The following SPATA20 variants were observed in gnomAD, a reference collection of about 807,000 sequenced individuals.
SPATA20 encodes the protein spermatogenesis-associated protein 20.
In SPATA20, 74 loss-of-function variants were observed where a neutral mutation model predicts 98.9. The ratio of observed to expected loss-of-function variants is 0.75; its 90% CI spans 0.62 to 0.91. The LOEUF (loss-of-function observed/expected upper bound fraction) is 0.91. Ranked by LOEUF, SPATA20 falls within the 40% of genes least tolerant of loss-of-function variation. The probability of loss-of-function intolerance (pLI) is 0.00; values close to 1 mark genes in which losing one functional copy is unlikely to be tolerated. For synonymous variants in SPATA20, 430 were observed against 440.5 expected (o/e 0.98, Z 0.30); for missense variants, 1,016 against 1,069.8 (o/e 0.95, Z 0.70).
chr17:50,551,829 C>A, intron 13 of SPATA20, 140 bp from the exon 14 acceptor site: 2 of 1,205,390 alleles, frequency 1.7e-6, no homozygotes, highest in South Asian at 1.5e-5. Context: ...ATTTACTCAT[C>A]TGGGAAGTGG....
chr17:50,549,451 G>A lies in SPATA20; in HGVS notation c.826G>A (p.Gly276Ser), dbSNP rs1364950432. Residue 276 changes from glycine to serine, a missense_variant, in exon 7 of 17, where the codon GGT (glycine) becomes AGT (serine). By Grantham distance (56) the Gly-to-Ser change is moderately conservative. Coordinates refer to ENST00000006658, the MANE Select transcript of SPATA20 (RefSeq NM_022827.4). ...GGATGAGGGCTATGATGAGGAATAC[G>A]GTGGCTTCGCTGAGGCCCCCAAGTT... ...QLDEGYDEEY[G>S]GFAEAPKFPT... 4 of 1,612,380 alleles carry A rather than the reference G, an allele frequency of 2.5e-6. No homozygotes were observed. The highest frequency in any genetic ancestry group is 3.4e-6 in the Non-Finnish European group (4 of 1,179,960).
intron 2 of SPATA20, chr17:50,547,988 C>A: frequency 6.7e-7 from 1 of 1,483,518 alleles, no homozygotes; most frequent in South Asian, 1.3e-5. Flanking sequence ...GCCCCAAGAA[C>A]CATTCTGCCC....
At chr17:50,547,851 G>A in intron 2 of SPATA20, 84 bp downstream of exon 2, 1 of 971,482 alleles carries the variant, frequency 1.0e-6, no homozygotes, top group African/African-American at 1.6e-5. Context: ...TACTGATCTT[G>A]GCCTGTCCAG....
chr17:50,549,442 G>A lies in SPATA20; in HGVS notation c.817G>A (p.Glu273Lys). 1 of 1,612,614 alleles carries A rather than the reference G, an allele frequency of 6.2e-7. No homozygotes were observed. Among genetic ancestry groups the A allele is most frequent in the East Asian group, 2.2e-5 (1 of 44,890 alleles). ...CCAGCAGCTGGATGAGGGCTATGATGAGGAATACGGTGGCTTCGCTGAGGC... is the reference window on the plus strand; with the variant it reads ...CCAGCAGCTGGATGAGGGCTATGATAAGGAATACGGTGGCTTCGCTGAGGC... Reference protein sequence around the residue: ...CFQQLDEGYDEEYGGFAEAPK... With the variant: ...CFQQLDEGYDKEYGGFAEAPK... Residue 273 changes from glutamate (E) to lysine (K), a missense_variant, in exon 7 of 17, where the codon GAG becomes AAG. Glu to Lys is a moderately conservative substitution (Grantham distance 56, BLOSUM62 1). Coordinates refer to ENST00000006658, the MANE Select transcript of SPATA20 (RefSeq NM_022827.4).
At chr17:50,549,218 G>T in intron 6 of SPATA20, 32 bp downstream of exon 6, 3 of 1,595,370 alleles carry the variant, frequency 1.9e-6, no homozygotes, top group Non-Finnish European at 2.6e-6. Flanking sequence ...GGGGGACCAG[G>T]GTGGGGGACT....
rs935338163 is a variant in SPATA20 at position 50,555,799 on chromosome 17, C to A, written c.*137C>A. ...CAGGTGACCTCGGCCATACTCACTG[C>A]CCCCCTTGGGCACCCACTCACCCTA... On this transcript the variant is annotated 3_prime_UTR_variant, in exon 17 of 17. Transcript: ENST00000006658. The A allele has an allele frequency of 2.0e-5, 14 of 710,564 alleles. No homozygotes were observed. The highest frequency in any genetic ancestry group is 8.0e-4 in the Middle Eastern group (2 of 2,512). The allele number at this position is 710,564 out of a possible 1,614,324, so 44.0% of individuals were successfully genotyped here. A position where few individuals can be genotyped will look rare whatever the true frequency, so the allele number is the denominator to read the frequency against.
At position 50,550,825 on chromosome 17, in the gene SPATA20, C is replaced by T. The variant is rs142846305; in HGVS notation, c.1291C>T (p.Pro431Ser). ...AGAGGTTCAGCAGCTCCTCCCGGAG[C>T]CTGTGTTGGGTGCCACCGAGCCGCT... ...VKEVQQLLPE[P>S]VLGATEPLTS... Residue 431 changes from proline to serine, a missense_variant, in exon 11 of 17, where the codon CCT (proline) becomes TCT (serine). Transcript: ENST00000006658. 45 of 1,612,886 alleles carry T rather than the reference C, an allele frequency of 2.8e-5. No homozygotes were observed. Among genetic ancestry groups the T allele is most frequent in the Non-Finnish European group, 3.6e-5 (43 of 1,180,030 alleles).
At chr17:50,549,951 T>C (rs778858463) in intron 7 of SPATA20, 34 bp from the exon 8 acceptor site, 27 of 1,521,342 alleles carry the variant, frequency 1.8e-5, no homozygotes, top group Non-Finnish European at 2.0e-5. Context: ...CACTTTCCCA[T>C]TCTCTCACCT....
At chr17:50,554,143 C>G in intron 14 of SPATA20, 108 bp from the exon 15 acceptor site, 1 of 990,622 alleles carries the variant, frequency 1.0e-6, no homozygotes, top group Non-Finnish European at 1.5e-6. Context: ...TGGGCAGGGC[C>G]TTTTCTCTGT....
intron 4 of SPATA20, 33 bp downstream of exon 4, chr17:50,548,651 T>A (rs902419461): frequency 6.2e-7 from 1 of 1,608,330 alleles, no homozygotes; most frequent in African/African-American, 1.3e-5. Flanking sequence ...TGTGGGGGTG[T>A]GGGCAGGGAG....
chr17:50,554,449 A>G lies in SPATA20; in HGVS notation c.2156A>G (p.Gln719Arg). 1 of 1,610,298 alleles carries G rather than the reference A, an allele frequency of 6.2e-7. No homozygotes were observed. Among genetic ancestry groups the G allele is most frequent in the Non-Finnish European group, 8.5e-7 (1 of 1,179,948 alleles). ...ALSAQQQTLKQIVICGDRQAK... is the reference protein window; with the variant it reads ...ALSAQQQTLKRIVICGDRQAK... ...TCAGCCCAGCAGCAGACCCTCAAGC[A>G]GGTGGGGGGTGAGGGCATCTGGGCT... The change falls in exon 15 of 17, where the codon CAG (glutamine) becomes CGG (arginine). Residue 719 changes from glutamine (Q) to arginine (R), a missense_variant and splice_region_variant. Physicochemically the swap from Gln to Arg is conservative, Grantham distance 43. Coordinates refer to ENST00000006658, the MANE Select transcript of SPATA20 (RefSeq NM_022827.4).
chr17:50,555,315 AC>A lies in SPATA20; in HGVS notation c.2238+6del. On this transcript the variant is annotated splice_donor_region_variant and intron_variant, in intron 16 of 16. Transcript: ENST00000006658. ...ACTCTGTCTACATTCCTAACAAGGT[AC>A]CCATCCCTGTGAGCCCAATCTGCCA... 1 of 1,613,540 alleles carries A rather than the reference AC, an allele frequency of 6.2e-7. No individual in the cohort carries two copies. Among genetic ancestry groups the A allele is most frequent in the Non-Finnish European group, 8.5e-7 (1 of 1,179,652 alleles).
At chr17:50,550,429 A>G in intron 9 of SPATA20, 107 bp from the exon 10 acceptor site, 5 of 1,381,944 alleles carry the variant, frequency 3.6e-6, no homozygotes, top group Non-Finnish European at 5.1e-6. Context: ...CCATGTACCC[A>G]CTACCCAGGC....
chr17:50,550,593 C>G lies in SPATA20; in HGVS notation c.1156C>G (p.Arg386Gly). Reference protein sequence around the residue: ...VAKGILQYVARSLSHRSGGFY... With the variant: ...VAKGILQYVAGSLSHRSGGFY... ...CAAAGGCATCCTGCAGTACGTGGCTCGGAGCCTGAGCCACCGGGTGTGTGT... is the reference window on the plus strand; with the variant it reads ...CAAAGGCATCCTGCAGTACGTGGCTGGGAGCCTGAGCCACCGGGTGTGTGT... The change falls in exon 10 of 17, where the codon CGG (arginine) becomes GGG (glycine). Residue 386 changes from arginine to glycine, a missense_variant. Transcript: ENST00000006658. The G allele has an allele frequency of 2.5e-6, 4 of 1,614,104 alleles. No individual in the cohort carries two copies. Among genetic ancestry groups the G allele is most frequent in the Non-Finnish European group, 3.4e-6 (4 of 1,180,026 alleles).
intron 7 of SPATA20, among the ~76,000 whole-genome samples, 188 bp from the exon 8 acceptor site, chr17:50,549,795 ATG>A: frequency 6.6e-6 from 1 of 152,282 alleles, no homozygotes; most frequent in South Asian, 2.1e-4. Context: ...CTGTGAACCA[ATG>A]ATATTCTGAC....
chr17:50,548,038 G>T (rs775296434), intron 2 of SPATA20: 44 of 1,475,508 alleles, frequency 3.0e-5, no homozygotes, highest in Non-Finnish European at 3.8e-5. Context: ...CCTTCCCACC[G>T]CCAGGCCCAG....
In SPATA20 at chr17:50,555,792, C is replaced by A; in HGVS notation, c.*130C>A. On this transcript the variant is annotated 3_prime_UTR_variant, in exon 17 of 17. Coordinates refer to ENST00000006658, the MANE Select transcript of SPATA20 (RefSeq NM_022827.4). ...CTGCCACCAGGTGACCTCGGCCATA[C>A]TCACTGCCCCCCTTGGGCACCCACT... The A allele has an allele frequency of 1.3e-6, 1 of 749,188 alleles. No homozygotes were observed. The highest frequency in any genetic ancestry group is 2.1e-6 in the Non-Finnish European group (1 of 472,990). 46.4% of individuals were successfully genotyped at this position (749,188 alleles called of 1,614,324 possible). A position where few individuals can be genotyped will look rare whatever the true frequency, so the allele number is the denominator to read the frequency against.
chr17:50,549,374 G>A lies in SPATA20; in HGVS notation c.749G>A (p.Arg250His), dbSNP rs138636087. 12 of 1,612,392 alleles carry A rather than the reference G, an allele frequency of 7.4e-6. No homozygotes were observed. The highest frequency in any genetic ancestry group is 1.1e-5 in the South Asian group (1 of 91,080). ...CGATCAGAGATCAGCGTGGGTGACC[G>A]CCAGCTGCCGCCCTCTGCCGCCACC... is the stretch of plus-strand genomic sequence containing the variant. Reference protein sequence around the residue: ...LARSEISVGDRQLPPSAATVN... With the variant: ...LARSEISVGDHQLPPSAATVN... Residue 250 changes from arginine to histidine, a missense_variant, in exon 7 of 17, where the codon CGC (arginine) becomes CAC (histidine). Arg to His is a conservative substitution (Grantham distance 29). Transcript: ENST00000006658.
In SPATA20 at chr17:50,554,365, C is replaced by T; in HGVS notation, c.2072C>T (p.Ala691Val). Residue 691 changes from alanine to valine, a missense_variant, in exon 15 of 17, where the codon GCC becomes GTC. Coordinates refer to ENST00000006658, the MANE Select transcript of SPATA20 (RefSeq NM_022827.4). Reference sequence around the variant, plus strand: ...GACAAGTGTGTGTGCCTATTGACCGCCTTTTCCGAGCGCATGCGTCGTGTC... The same window carrying T: ...GACAAGTGTGTGTGCCTATTGACCGTCTTTTCCGAGCGCATGCGTCGTGTC... ...WMDKCVCLLT[A>V]FSERMRRVPV... 1 of 1,614,166 alleles carries T rather than the reference C, an allele frequency of 6.2e-7. No homozygotes were observed. Among genetic ancestry groups the T allele is most frequent in the Non-Finnish European group, 8.5e-7 (1 of 1,180,038 alleles).
Sources: gnomAD v4.1 joint callset for allele counts (sites outside exome capture counted in the v4.1 genomes callset) on GRCh38, gnomAD v4.1.1 for gene constraint, MANE v1.5 for transcripts, NCBI Gene and HGNC (gene_info 2026-07-23, HGNC 2026-07-21) for gene names.